ADAMTS6: variants seen among roughly 807,000 people sequenced by gnomAD.
ADAMTS6 encodes A disintegrin and metalloproteinase with thrombospondin motifs 6.
Under a neutral mutation model 144.3 loss-of-function variants are expected in ADAMTS6, and 23 were observed. The observed-to-expected ratio is 0.16, with a 90% CI of 0.11 to 0.23. The LOEUF is 0.23. ADAMTS6 is among the 10% of genes least tolerant of loss of function. The pLI, the probability that ADAMTS6 is intolerant of heterozygous loss-of-function variation, is 1.00. For synonymous variants in ADAMTS6, 444 were observed against 457.5 expected (o/e 0.97, Z 0.38); for missense variants, 999 against 1,379.6 (o/e 0.72, Z 4.37).
rs185351810 is a variant in ADAMTS6, at chr5:65,191,014, C to T, written c.2706-2794G>A. ...TTGACCCTCTGATGGCATTCTTTCT[C>T]TGTCTTCTTTCCCTCCTCTAGACTT... is the stretch of plus-strand genomic sequence containing the variant. On this transcript the variant is annotated intron_variant, in intron 21 of 24. Coordinates refer to ENST00000381055, the MANE Select transcript of ADAMTS6 (RefSeq NM_197941.4). Among the ~76,000 whole-genome samples, 836 of 152,194 alleles carry T rather than the reference C, an allele frequency of 5.5e-3. 7 individuals carry two copies. The highest frequency in any genetic ancestry group is 0.019 in the African/African-American group (780 of 41,532).
At position 65,200,201 on chromosome 5, in the gene ADAMTS6, A is replaced by AT. The variant is rs202246205; in HGVS notation, c.2576-3051dup. 2.4e-3 allele frequency among the ~76,000 whole-genome samples: 357 copies of AT among 151,804 alleles called. 2 individuals carry two copies. The highest frequency in any genetic ancestry group is 7.6e-3 in the African/African-American group (314 of 41,396). On this transcript the variant is annotated intron_variant, in intron 20 of 24. Transcript: ENST00000381055. ...ACTCCCACACTTGGCAGGTTTACAG[A>AT]TTTTTTTTTCTTTTTAAGTCAGTAG...
In ADAMTS6 at chr5:65,471,063, A is replaced by G. The variant is rs201721464; in HGVS notation, c.177T>C (p.Phe59=). The G allele has an allele frequency of 4.3e-6, 7 of 1,611,314 alleles. No homozygotes were observed. Among genetic ancestry groups the G allele is most frequent in the East Asian group, 2.2e-5 (1 of 44,592 alleles). Residue 59 remains phenylalanine (F), a synonymous_variant, in exon 3 of 25, where the codon TTT becomes TTC. Transcript: ENST00000381055. ...TTGAGTGTTTATCATTTTTCACAGT[A>G]AAGCTGAGAAATGCTCCATTTTGAT... The part of the protein sequence containing the change: ...RVDQNGAFLS[F]TVKNDKHSRR...
At chr5:65,204,845 A>C (rs929243247) in intron 20 of ADAMTS6, among the ~76,000 whole-genome samples, 5 of 152,326 alleles carry the variant, frequency 3.3e-5, no homozygotes, top group African/African-American at 9.6e-5. Context: ...ATAATAGTAC[A>C]TTGTACAACC....
intron 1 of ADAMTS6, among the ~76,000 whole-genome samples, chr5:65,480,324 C>G (rs888545053): frequency 6.6e-6 from 1 of 152,056 alleles, no homozygotes; most frequent in African/African-American, 2.4e-5. Flanking sequence ...CCCCCCGCCC[C>G]CACCATTCCA....
intron 7 of ADAMTS6, among the ~76,000 whole-genome samples, chr5:65,369,460 ATCT>A (rs1399834848): frequency 6.6e-6 from 1 of 152,038 alleles, no homozygotes; most frequent in Non-Finnish European, 1.5e-5. Flanking sequence ...AAGAAAAACT[ATCT>A]TTTTTTTTGG....
intron 7 of ADAMTS6, among the ~76,000 whole-genome samples, chr5:65,349,125 T>C (rs1446598068): frequency 6.6e-6 from 1 of 152,026 alleles, no homozygotes; most frequent in Non-Finnish European, 1.5e-5. Flanking sequence ...GCTATTTAAG[T>C]CAAGGAAGAA....
chr5:65,275,416 A>AAAAG (rs1342033409), intron 11 of ADAMTS6, among the ~76,000 whole-genome samples: 15 of 136,976 alleles, frequency 1.1e-4, no homozygotes, highest in African/African-American at 3.1e-4. Flanking sequence ...AGAAAGAAAG[A>AAAAG]AAAGAAAGAA....
intron 12 of ADAMTS6, among the ~76,000 whole-genome samples, chr5:65,265,141 GA>G (rs1254140026): frequency 6.6e-6 from 1 of 151,992 alleles, no homozygotes; most frequent in East Asian, 1.9e-4. Context: ...TGGCTGTAGG[GA>G]AGAATATCTG....
At chr5:65,409,305 T>C (rs1042906681) in intron 7 of ADAMTS6, among the ~76,000 whole-genome samples, 1 of 151,030 alleles carries the variant, frequency 6.6e-6, no homozygotes, top group African/African-American at 2.4e-5. Context: ...CAATAAAAAA[T>C]GATAAAGGGG....
chr5:65,160,962 C>T (rs1579919602), intron 24 of ADAMTS6, among the ~76,000 whole-genome samples: 1 of 146,378 alleles, frequency 6.8e-6, no homozygotes. Context: ...TCTTTTCTTC[C>T]TTGATCTGCC....
At chr5:65,329,560 G>T in intron 8 of ADAMTS6, 77 bp from the exon 9 acceptor site, 1 of 1,280,892 alleles carries the variant, frequency 7.8e-7, no homozygotes, top group Non-Finnish European at 1.1e-6. Context: ...ATAAATGCCT[G>T]GATTCTTTTT....
At chr5:65,398,658 G>C (rs1753559103) in intron 7 of ADAMTS6, among the ~76,000 whole-genome samples, 1 of 151,986 alleles carries the variant, frequency 6.6e-6, no homozygotes, top group Non-Finnish European at 1.5e-5. Context: ...GTTGCAGTGA[G>C]CTGAGATTGC....
chr5:65,298,526 C>T (rs1743074041), intron 10 of ADAMTS6, among the ~76,000 whole-genome samples: 1 of 152,080 alleles, frequency 6.6e-6, no homozygotes, highest in South Asian at 2.1e-4. Flanking sequence ...CTCATTAAAA[C>T]CATCTTAGAA....
At chr5:65,297,051 T>G in intron 10 of ADAMTS6, 1 of 350,798 alleles carries the variant, frequency 2.9e-6, no homozygotes, top group Non-Finnish European at 5.6e-6. Context: ...TTCACCTTTC[T>G]CTATAGTCTA....
intron 7 of ADAMTS6, among the ~76,000 whole-genome samples, chr5:65,392,198 AC>A (rs1334849506): frequency 6.6e-6 from 1 of 152,126 alleles, no homozygotes; most frequent in Admixed American, 6.6e-5. Context: ...CATTGTATAA[AC>A]TTTTATCACC....
chr5:65,357,819 T>A (rs1405494777), intron 7 of ADAMTS6, among the ~76,000 whole-genome samples: 3 of 151,584 alleles, frequency 2.0e-5, no homozygotes, highest in Non-Finnish European at 3.0e-5. Context: ...ACAAATAATG[T>A]AAAAGGAGAT....
At position 65,466,934 on chromosome 5, in the gene ADAMTS6, C is replaced by T. The variant is rs10061614; in HGVS notation, c.462+3844G>A. 5.8e-3 allele frequency among the ~76,000 whole-genome samples: 878 copies of T among 151,414 alleles called. 10 individuals carry two copies. Among genetic ancestry groups the T allele is most frequent in the African/African-American group, 0.02 (843 of 41,226 alleles). ...GCGGGAGCCTGTAGTCCCAGCTACT[C>T]GGGAGGCTGACGCAGGAGAATGGCG... is the stretch of plus-strand genomic sequence containing the variant. On this transcript the variant is annotated intron_variant, in intron 3 of 24. Transcript: ENST00000381055.
chr5:65,418,571 T>G (rs900849490), intron 7 of ADAMTS6, among the ~76,000 whole-genome samples: 1 of 151,922 alleles, frequency 6.6e-6, no homozygotes, highest in African/African-American at 2.4e-5. Context: ...ATTGTCTGGG[T>G]TTTTTTTAAA....
rs566189788 is a variant in ADAMTS6, at chr5:65,355,898, TA to T, written c.1074-21814del. ...TGTTCTGGAATTATAATTGCTGTCATAAGGTTGGTTTATCTACTCTAATTGT... is the reference window on the plus strand; with the variant it reads ...TGTTCTGGAATTATAATTGCTGTCATAGGTTGGTTTATCTACTCTAATTGT... On this transcript the variant is annotated intron_variant, in intron 7 of 24. Coordinates refer to ENST00000381055, the MANE Select transcript of ADAMTS6 (RefSeq NM_197941.4). Among the ~76,000 whole-genome samples, 509 of 151,960 alleles carry T rather than the reference TA, an allele frequency of 3.3e-3. 2 individuals are homozygous for T. The highest frequency in any genetic ancestry group is 0.012 in the African/African-American group (482 of 41,542).
Sources: gnomAD v4.1 joint callset for allele counts (sites outside exome capture counted in the v4.1 genomes callset) on GRCh38, gnomAD v4.1.1 for gene constraint, MANE v1.5 for transcripts, NCBI Gene and HGNC (gene_info 2026-07-23, HGNC 2026-07-21) for gene names.